Variants in TRIM9 observed in about 807,000 individuals in gnomAD.
The protein encoded by TRIM9 is E3 ubiquitin-protein ligase TRIM9.
A neutral mutation model predicts 78.3 loss-of-function variants in TRIM9; 26 were observed. That is an observed-to-expected ratio of 0.33 (90% CI 0.24 to 0.46). The LOEUF (loss-of-function observed/expected upper bound fraction) is 0.46. TRIM9 is among the 20% of genes least tolerant of loss of function. The pLI is 1.00. For synonymous variants in TRIM9, 398 were observed against 416.5 expected, an observed-to-expected ratio of 0.96 and a Z score of 0.54; for missense variants, 787 against 1,036.4, an observed-to-expected ratio of 0.76 and a Z score of 3.30.
intron 1 of TRIM9, among the ~76,000 whole-genome samples, chr14:51,074,816 G>GC (rs771486123): frequency 2.4e-4 from 36 of 152,148 alleles, no homozygotes; most frequent in Non-Finnish European, 7.3e-5. Context: ...CTCTTACAAG[G>GC]GGCCAACAGG....
chr14:51,025,135 A>G (rs973561044), intron 2 of TRIM9, 130 bp downstream of exon 2: 1 of 824,598 alleles, frequency 1.2e-6, no homozygotes, highest in African/African-American at 1.7e-5. Flanking sequence ...TTGTATGTAA[A>G]GAACAACAAC....
intron 5 of TRIM9, among the ~76,000 whole-genome samples, chr14:51,007,221 C>T (rs1436488992): frequency 6.6e-6 from 1 of 152,132 alleles, no homozygotes; most frequent in Non-Finnish European, 1.5e-5. Flanking sequence ...ATATTTTTTC[C>T]TTTAAGCTAC....
intron 1 of TRIM9, among the ~76,000 whole-genome samples, chr14:51,046,516 C>T (rs889126110): frequency 2.0e-5 from 3 of 152,174 alleles, no homozygotes; most frequent in Non-Finnish European, 2.9e-5. Flanking sequence ...TATGAATCTA[C>T]AGTCATCTGA....
rs2064281332 is a variant in TRIM9, at chr14:51,091,175, T to G, written c.822+2943A>C. On this transcript the variant is annotated intron_variant, in intron 1 of 12. Transcript: ENST00000684578. ...TCATGTGTTATTATTTTTCATGGAG[T>G]TTTGAAGACCAAAAATATCTGAAAA... 6 of 152,102 alleles carry G rather than the reference T, an allele frequency of 3.9e-5. No homozygotes were observed. In the South Asian group the frequency reaches 1.2e-3, roughly 32 times the overall value. The allele number at this position is 152,102 out of a possible 1,614,324, so 9.4% of individuals were successfully genotyped here.
In TRIM9 at chr14:51,025,871, C is replaced by T. The variant is rs56228903; in HGVS notation, c.823-511G>A. ...AAATTCAATGGGCAGGATGACATTC[C>T]ACTCCTGCCTCATCCGTGTCCTCTT... is the stretch of plus-strand genomic sequence containing the variant. On this transcript the variant is annotated intron_variant, in intron 1 of 12. Transcript: ENST00000684578. 4.1e-3 allele frequency among the ~76,000 whole-genome samples: 623 copies of T among 152,226 alleles called. 5 individuals are homozygous for T. The highest frequency in any genetic ancestry group is 0.014 in the African/African-American group (594 of 41,538).
chr14:50,984,032 C>G (rs952742424), intron 8 of TRIM9, among the ~76,000 whole-genome samples: 1 of 152,138 alleles, frequency 6.6e-6, no homozygotes, highest in Non-Finnish European at 1.5e-5. Context: ...TGGGTGTGGT[C>G]TCAGAGATAC....
chr14:50,989,606 A>G (rs540869260), intron 7 of TRIM9, among the ~76,000 whole-genome samples: 1 of 152,334 alleles, frequency 6.6e-6, no homozygotes, highest in South Asian at 2.1e-4. Context: ...ACATCACATC[A>G]TATTTCATCA....
intron 1 of TRIM9, among the ~76,000 whole-genome samples, chr14:51,077,386 GTTTTTT>G (rs146912763): frequency 1.1e-4 from 11 of 97,738 alleles, no homozygotes; most frequent in Non-Finnish European, 1.5e-4. Context: ...CTCCAATTCT[GTTTTTT>G]TTTTTTTTTT....
chr14:50,997,984 G>A (rs199780285), intron 7 of TRIM9, 66 bp downstream of exon 7: 7 of 1,604,110 alleles, frequency 4.4e-6, no homozygotes, highest in East Asian at 2.2e-5. Context: ...GGTTACCTCC[G>A]GGCTTGCCAG....
At chr14:51,035,334 T>A (rs1007017236) in intron 1 of TRIM9, among the ~76,000 whole-genome samples, 1 of 152,196 alleles carries the variant, frequency 6.6e-6, no homozygotes, top group Non-Finnish European at 1.5e-5. Context: ...TGTATAGATC[T>A]AAGTGGAAAC....
At chr14:51,034,402 T>A (rs2058976215) in intron 1 of TRIM9, among the ~76,000 whole-genome samples, 1 of 152,180 alleles carries the variant, frequency 6.6e-6, no homozygotes, top group South Asian at 2.1e-4. Context: ...AGGTAAATTT[T>A]AAAAAATGAG....
intron 12 of TRIM9, among the ~76,000 whole-genome samples, chr14:50,977,790 C>T (rs187559481): frequency 1.8e-4 from 28 of 152,266 alleles, no homozygotes; most frequent in African/African-American, 5.8e-4. Flanking sequence ...TTTCTGGGGT[C>T]GCATAGATGA....
At chr14:51,058,256 A>G (rs2061046683) in intron 1 of TRIM9, among the ~76,000 whole-genome samples, 1 of 152,186 alleles carries the variant, frequency 6.6e-6, no homozygotes, top group African/African-American at 2.4e-5. Context: ...TTCATTCCAG[A>G]CATGACCCCT....
chr14:50,994,313 G>GGGA (rs1381629259), intron 7 of TRIM9, among the ~76,000 whole-genome samples: 17 of 152,220 alleles, frequency 1.1e-4, no homozygotes, highest in Non-Finnish European at 2.4e-4. Context: ...AGGCTGAGGT[G>GGGA]GGAGGATTCC....
At chr14:51,009,360 G>C (rs936207917) in intron 4 of TRIM9, 127 bp from the exon 5 acceptor site, 1 of 1,128,686 alleles carries the variant, frequency 8.9e-7, no homozygotes, top group African/African-American at 1.6e-5. Context: ...GACTGCCTCA[G>C]TGCTGTTGGT....
Position 51,009,213 on chromosome 14 carries a change from T to C in TRIM9, c.1173A>G (p.Arg391=). The change falls in exon 5 of 13, where the codon AGA becomes AGG. Residue 391 remains arginine (R), a synonymous_variant. Transcript: ENST00000684578. ...GFLQISDALI[R]RVHLTEDQWG... is the part of the protein sequence containing the mutation. ...ACTGATCCTCAGTCAGGTGCACTCTTCTTATGAGGGCGTCAGAAATCTAAT... is the reference window on the plus strand; with the variant it reads ...ACTGATCCTCAGTCAGGTGCACTCTCCTTATGAGGGCGTCAGAAATCTAAT... 1 of 1,614,054 alleles carries C rather than the reference T, an allele frequency of 6.2e-7. No homozygotes were observed. The highest frequency in any genetic ancestry group is 1.1e-5 in the South Asian group (1 of 91,084).
Position 50,985,956 on chromosome 14 carries a change from C to A in TRIM9, c.1792G>T (p.Gly598Ter). 6.5e-7 allele frequency: 1 copy of A among 1,527,462 alleles called. No homozygotes were observed. Among genetic ancestry groups the A allele is most frequent in the Non-Finnish European group, 8.8e-7 (1 of 1,135,158 alleles). The allele number at this position is 1,527,462 out of a possible 1,614,324, so 94.6% of individuals were successfully genotyped here. The change falls in exon 8 of 13, where the codon GGA (glycine) becomes TGA (stop). Residue 598 changes from glycine (G) to a stop codon, truncating the protein, a stop_gained and splice_region_variant. Coordinates refer to ENST00000684578, the MANE Select transcript of TRIM9 (RefSeq NM_001387360.1). LOFTEE classifies it high-confidence loss of function. ...GAAAGGTCTGAGGAGCTCAGCTCAC[C>A]CGGTGCATTGAGAGACTGTAAAGAG... The part of the protein sequence containing the change: ...HSSLQSLNAP[G>*]CNFETQSAPY...
intron 7 of TRIM9, chr14:50,997,108 G>A: frequency 1.0e-6 from 1 of 985,316 alleles, no homozygotes; most frequent in Non-Finnish European, 1.2e-6. Flanking sequence ...GAGGTGGGGG[G>A]GTGATTTCTT....
chr14:51,019,347 T>C (rs898405786), intron 3 of TRIM9, among the ~76,000 whole-genome samples: 3 of 152,248 alleles, frequency 2.0e-5, no homozygotes, highest in African/African-American at 4.8e-5. Flanking sequence ...ATTCTGAAAA[T>C]AGATATTTGG....
Sources: gnomAD v4.1 joint callset for allele counts (sites outside exome capture counted in the v4.1 genomes callset) on GRCh38, gnomAD v4.1.1 for gene constraint, MANE v1.5 for transcripts, NCBI Gene and HGNC (gene_info 2026-07-23, HGNC 2026-07-21) for gene names.